The following CCSER2 variants were observed in gnomAD, a reference collection of about 807,000 sequenced individuals.
CCSER2 encodes the protein serine-rich coiled-coil domain-containing protein 2.
A neutral mutation model predicts 92.3 loss-of-function variants in CCSER2; 46 were observed. The ratio of observed to expected loss-of-function variants is 0.50; its 90% CI spans 0.39 to 0.64. The LOEUF is 0.64. Among genes scored for constraint, CCSER2 ranks in the 30% least tolerant of loss-of-function variants. The pLI is 0.00. For synonymous variants in CCSER2, 433 were observed against 431.4 expected (o/e 1.00, Z -0.04); for missense variants, 1,244 against 1,238.9 (o/e 1.00, Z -0.06).
intron 3 of CCSER2, among the ~76,000 whole-genome samples, chr10:84,378,608 T>C (rs948736544): frequency 1.3e-5 from 2 of 152,036 alleles, no homozygotes; most frequent in African/African-American, 4.8e-5. Context: ...CTAAATTTTG[T>C]ATTTTTAGTA....
intron 1 of CCSER2, among the ~76,000 whole-genome samples, chr10:84,337,436 GA>G (rs1387053290): frequency 6.6e-6 from 1 of 152,216 alleles, no homozygotes; most frequent in East Asian, 1.9e-4. Context: ...AAAGCAATAT[GA>G]AAATCATTGG....
intron 6 of CCSER2, 108 bp from the exon 7 acceptor site, chr10:84,463,825 G>A (rs1846240252): frequency 1.5e-6 from 1 of 668,392 alleles, no homozygotes. Flanking sequence ...CACCATGCTA[G>A]CATTTGGTCT....
At chr10:84,435,897 A>T (rs1467920367) in intron 5 of CCSER2, among the ~76,000 whole-genome samples, 2 of 152,152 alleles carry the variant, frequency 1.3e-5, no homozygotes, top group Non-Finnish European at 2.9e-5. Flanking sequence ...CTGATTTAAG[A>T]TGAAGAGGAA....
At chr10:84,438,431 T>C (rs1844319330) in intron 5 of CCSER2, 81 bp from the exon 6 acceptor site, 2 of 799,490 alleles carry the variant, frequency 2.5e-6, no homozygotes, top group African/African-American at 3.4e-5. Flanking sequence ...TAATAATCAC[T>C]GCAATAATTT....
intron 3 of CCSER2, among the ~76,000 whole-genome samples, chr10:84,396,654 A>G (rs928157589): frequency 5.9e-5 from 9 of 151,700 alleles, no homozygotes; most frequent in Admixed American, 2.6e-4. Flanking sequence ...ATTTTAACCT[A>G]TGTATGTATT....
intron 2 of CCSER2, 59 bp downstream of exon 2, chr10:84,372,528 C>A (rs988185421): frequency 1.1e-5 from 11 of 968,330 alleles, no homozygotes; most frequent in Non-Finnish European, 1.5e-5. Context: ...ACTGAACTTA[C>A]ATTTAGGATT....
intron 6 of CCSER2, among the ~76,000 whole-genome samples, chr10:84,440,786 T>A (rs1844483498): frequency 6.6e-6 from 1 of 152,208 alleles, no homozygotes; most frequent in Non-Finnish European, 1.5e-5. Context: ...CACATTTGAT[T>A]GATATTAATA....
chr10:84,343,054 G>A (rs1844290985), intron 1 of CCSER2, among the ~76,000 whole-genome samples: 1 of 152,128 alleles, frequency 6.6e-6, no homozygotes, highest in African/African-American at 2.4e-5. Flanking sequence ...TGTATTTTTA[G>A]TAGAGTCCGG....
chr10:84,445,414 A>AGTACTAGAGTAGAGT, intron 6 of CCSER2, among the ~76,000 whole-genome samples: 1 of 152,198 alleles, frequency 6.6e-6, no homozygotes, highest in Non-Finnish European at 1.5e-5. Context: ...TGGCCTCCCA[A>AGTACTAGAGTAGAGT]AGTGCTGGGA....
intron 7 of CCSER2, among the ~76,000 whole-genome samples, chr10:84,466,274 A>G (rs917868235): frequency 6.6e-6 from 1 of 152,164 alleles, no homozygotes; most frequent in African/African-American, 2.4e-5. Flanking sequence ...ATCTCGTGCC[A>G]TTAAAATTGT....
At chr10:84,488,121 G>A (rs1847919741) in intron 9 of CCSER2, among the ~76,000 whole-genome samples, 1 of 152,164 alleles carries the variant, frequency 6.6e-6, no homozygotes, top group African/African-American at 2.4e-5. Flanking sequence ...GCTTTTTGAT[G>A]TGCTGCTGTA....
intron 3 of CCSER2, among the ~76,000 whole-genome samples, chr10:84,399,126 C>T (rs762966034): frequency 6.6e-6 from 1 of 151,924 alleles, no homozygotes; most frequent in Non-Finnish European, 1.5e-5. Context: ...TTTAGCATAC[C>T]CATCACCTGA....
chr10:84,399,262 C>T (rs1167906050), intron 3 of CCSER2, among the ~76,000 whole-genome samples: 1 of 152,112 alleles, frequency 6.6e-6, no homozygotes, highest in African/African-American at 2.4e-5. Flanking sequence ...GTTTAGCTCC[C>T]ACTTATAAGT....
At chr10:84,491,928 G>A (rs1325722879) in intron 9 of CCSER2, among the ~76,000 whole-genome samples, 2 of 152,118 alleles carry the variant, frequency 1.3e-5, no homozygotes, top group Non-Finnish European at 2.9e-5. Context: ...GTGGTTATAA[G>A]TGATACTGTT....
chr10:84,410,103 T>A (rs1035078179), intron 3 of CCSER2, among the ~76,000 whole-genome samples: 1 of 152,242 alleles, frequency 6.6e-6, no homozygotes, highest in African/African-American at 2.4e-5. Context: ...CATTCCATTT[T>A]GTGGTTGCAT....
intron 7 of CCSER2, among the ~76,000 whole-genome samples, chr10:84,467,561 C>T (rs951195038): frequency 6.6e-6 from 1 of 151,966 alleles, no homozygotes; most frequent in Non-Finnish European, 1.5e-5. Context: ...GCTCAGAAAC[C>T]AATACCCCAA....
At chr10:84,433,915 T>C (rs1351229246) in intron 5 of CCSER2, among the ~76,000 whole-genome samples, 5 of 152,220 alleles carry the variant, frequency 3.3e-5, no homozygotes. Context: ...GGTTCATTTC[T>C]TCATATTTAC....
At chr10:84,436,154 C>T (rs1045968066) in intron 5 of CCSER2, among the ~76,000 whole-genome samples, 2 of 149,938 alleles carry the variant, frequency 1.3e-5, no homozygotes, top group Admixed American at 1.3e-4. Context: ...GTGAAACCCC[C>T]GTCTCTACTA....
In CCSER2 at chr10:84,513,582, C is replaced by T. The variant is rs145977037; in HGVS notation, c.2459C>T (p.Pro820Leu). 1.4e-4 allele frequency: 232 copies of T among 1,613,832 alleles called. 1 individual carries two copies. The East Asian group carries it at 4.0e-3, about 28-fold the overall frequency. Residue 820 changes from proline to leucine, a missense_variant, in exon 10 of 10, where the codon CCG (proline) becomes CTG (leucine). Physicochemically the swap from Pro to Leu is moderately conservative, Grantham distance 98. Transcript: ENST00000372088. ...GACATGCATCAGGGCGGTGCACATC[C>T]GGAAGAAAGCTTTACACACGTCTTG... ...IQDMHQGGAH[P>L]EESFTHVLHQ...
Sources: allele counts gnomAD v4.1 joint callset (sites outside exome capture counted in the v4.1 genomes callset), GRCh38; gene constraint gnomAD v4.1.1; transcripts MANE v1.5; gene names NCBI Gene and HGNC (gene_info 2026-07-23, HGNC 2026-07-21).